Variants in CWC22 observed in about 807,000 individuals in gnomAD.
CWC22 encodes the protein pre-mRNA-splicing factor CWC22 homolog.
CWC22 carries 53 observed loss-of-function variants against 117.2 expected under a neutral mutation model. The observed-to-expected ratio is 0.45, with a 90% CI of 0.36 to 0.57. The LOEUF is 0.57. Ranked by LOEUF, CWC22 falls within the 20% of genes least tolerant of loss-of-function variation. The pLI is 0.00. For missense variants in CWC22, 980 were observed against 1,068.8 expected (o/e 0.92, Z 1.16); for synonymous variants, 360 against 355.6 (o/e 1.01, Z -0.14).
At position 179,959,761 on chromosome 2, in the gene CWC22, G is replaced by C. The variant is rs192417325; in HGVS notation, c.1398-679C>G. Among the ~76,000 whole-genome samples the C allele has an allele frequency of 1.4e-4, 22 of 152,164 alleles. No homozygotes were observed. In the East Asian group the frequency reaches 4.3e-3, roughly 29 times the overall value. On this transcript the variant is annotated intron_variant, in intron 13 of 19. Coordinates refer to ENST00000410053, the MANE Select transcript of CWC22 (RefSeq NM_020943.3). ...ACACACTAAACATAGAAAAGGTTTA[G>C]TAAAAATATGGTATTATAATCTTAT...
chr2:179,951,099 A>T (rs1054588156), intron 17 of CWC22, among the ~76,000 whole-genome samples, 173 bp from the exon 18 acceptor site: 1 of 152,138 alleles, frequency 6.6e-6, no homozygotes, highest in African/African-American at 2.4e-5. Context: ...TGAAATGAGT[A>T]GGGTCAAGTA....
At position 179,955,002 on chromosome 2, in the gene CWC22, A is replaced by C; in HGVS notation, c.1491T>G (p.Cys497Trp). 1 of 1,601,956 alleles carries C rather than the reference A, an allele frequency of 6.2e-7. No homozygotes were observed. Among genetic ancestry groups the C allele is most frequent in the Non-Finnish European group, 8.5e-7 (1 of 1,173,562 alleles). The change falls in exon 15 of 20, where the codon TGT becomes TGG. Residue 497 changes from cysteine (C) to tryptophan (W), a missense_variant. Transcript: ENST00000410053. ...KELCNMILDC[C>W]AQQRTYEKFF... Reference sequence around the variant, plus strand: ...ATTTTTCGTATGTCCTCTGTTGGGCACAGCAATCAAGTATCATGTTGCAGA... The same window carrying C: ...ATTTTTCGTATGTCCTCTGTTGGGCCCAGCAATCAAGTATCATGTTGCAGA...
intron 5 of CWC22, among the ~76,000 whole-genome samples, chr2:179,980,661 C>G (rs3934054): frequency 1.3e-4 from 19 of 151,880 alleles, no homozygotes; most frequent in Admixed American, 3.9e-4. Context: ...CCGAGGTGGG[C>G]GGATCATGAC....
intron 1 of CWC22, among the ~76,000 whole-genome samples, chr2:179,994,538 A>G (rs776498636): frequency 2.6e-5 from 4 of 152,228 alleles, no homozygotes; most frequent in Non-Finnish European, 5.9e-5. Flanking sequence ...TTATAAAGTG[A>G]TACAGAGCGG....
chr2:179,951,252 G>T (rs543757027), intron 17 of CWC22, among the ~76,000 whole-genome samples: 10 of 151,602 alleles, frequency 6.6e-5, no homozygotes, highest in African/African-American at 2.2e-4. Flanking sequence ...ATACACACAC[G>T]TATATATAGT....
chr2:179,953,164 A>G (rs1458093023), intron 16 of CWC22, among the ~76,000 whole-genome samples: 1 of 151,212 alleles, frequency 6.6e-6, no homozygotes, highest in Non-Finnish European at 1.5e-5. Flanking sequence ...ATTGTTTAAA[A>G]TTCTCACTTC....
chr2:179,946,024 A>G (rs1686284612), intron 19 of CWC22, among the ~76,000 whole-genome samples: 1 of 152,166 alleles, frequency 6.6e-6, no homozygotes, highest in African/African-American at 2.4e-5. Flanking sequence ...ATGAGATTAC[A>G]GGCGTCTGCC....
chr2:179,965,330 T>C (rs1009303348), intron 12 of CWC22, among the ~76,000 whole-genome samples: 2 of 152,210 alleles, frequency 1.3e-5, no homozygotes, highest in Admixed American at 6.5e-5. Flanking sequence ...ATTTATGTTC[T>C]GATGTATTTA....
At chr2:179,958,178 A>C (rs1686647039) in intron 14 of CWC22, among the ~76,000 whole-genome samples, 1 of 151,954 alleles carries the variant, frequency 6.6e-6, no homozygotes, top group Non-Finnish European at 1.5e-5. Context: ...TAAAAACACA[A>C]AAACTAGCCA....
chr2:179,953,996 T>C (rs1210602605), intron 16 of CWC22, among the ~76,000 whole-genome samples: 1 of 152,164 alleles, frequency 6.6e-6, no homozygotes, highest in Non-Finnish European at 1.5e-5. Flanking sequence ...GTTTGGACTG[T>C]TAATATAATA....
intron 19 of CWC22, 128 bp from the exon 20 acceptor site, chr2:179,945,843 T>A (rs1325104681): frequency 1.7e-6 from 1 of 604,486 alleles, no homozygotes; most frequent in Non-Finnish European, 2.8e-6. Flanking sequence ...CCAAATTGAT[T>A]GAATAGAAAG....
intron 4 of CWC22, among the ~76,000 whole-genome samples, chr2:179,983,563 G>A (rs1687337785): frequency 6.6e-6 from 1 of 152,068 alleles, no homozygotes; most frequent in South Asian, 2.1e-4. Context: ...CAATAGTGCT[G>A]TGATAAATAT....
intron 19 of CWC22, among the ~76,000 whole-genome samples, chr2:179,948,413 A>G (rs1254742687): frequency 6.6e-6 from 1 of 152,078 alleles, no homozygotes; most frequent in Admixed American, 6.5e-5. Flanking sequence ...TAACCATCCA[A>G]AGATGGATGT....
chr2:179,945,222 T>A lies in CWC22; in HGVS notation c.2634A>T (p.Arg878=), dbSNP rs889369676. 2 of 1,613,886 alleles carry A rather than the reference T, an allele frequency of 1.2e-6. No individual in the cohort carries two copies. The highest frequency in any genetic ancestry group is 8.5e-7 in the Non-Finnish European group (1 of 1,179,856). ...EDRYQNGAER[R]WEKSSRYSEQ... ...CAGAGTATCTGCTAGATTTTTCCCA[T>A]CGTCTCTCGGCACCATTTTGATATC... The change falls in exon 20 of 20, where the codon CGA becomes CGT. Residue 878 remains arginine, a synonymous_variant. Transcript: ENST00000410053.
chr2:180,004,104 T>A (rs1687912007), intron 1 of CWC22, among the ~76,000 whole-genome samples: 1 of 152,146 alleles, frequency 6.6e-6, no homozygotes, highest in Non-Finnish European at 1.5e-5. Flanking sequence ...GGCTTCAAAG[T>A]TATAAGAGGG....
chr2:179,948,784 T>C (rs1686373103), intron 19 of CWC22, among the ~76,000 whole-genome samples: 2 of 152,140 alleles, frequency 1.3e-5, no homozygotes, highest in Non-Finnish European at 2.9e-5. Flanking sequence ...TATCATAGAA[T>C]GCAGAAAACT....
chr2:179,945,976 G>A (rs1029101380), intron 19 of CWC22, among the ~76,000 whole-genome samples: 1 of 152,050 alleles, frequency 6.6e-6, no homozygotes, highest in Non-Finnish European at 1.5e-5. Flanking sequence ...TCCGCCTCCT[G>A]GGTTCAAGTG....
At chr2:179,988,753 C>T in intron 2 of CWC22, 109 bp from the exon 3 acceptor site, 1 of 576,764 alleles carries the variant, frequency 1.7e-6, no homozygotes, top group Non-Finnish European at 3.0e-6. Context: ...TGTATCAAAA[C>T]ATTTTTTAAA....
intron 11 of CWC22, 123 bp downstream of exon 11, chr2:179,970,378 A>G (rs189278415): frequency 1.7e-5 from 18 of 1,055,316 alleles, no homozygotes; most frequent in African/African-American, 1.3e-4. Flanking sequence ...AGCTAAGAGA[A>G]TAACTTTATA....
Sources: allele counts gnomAD v4.1 joint callset (sites outside exome capture counted in the v4.1 genomes callset), GRCh38; gene constraint gnomAD v4.1.1; transcripts MANE v1.5; gene names NCBI Gene and HGNC (gene_info 2026-07-23, HGNC 2026-07-21).